The following DTNB variants were observed in gnomAD, a reference collection of about 807,000 sequenced individuals.
DTNB encodes dystrobrevin beta.
Under a neutral mutation model 90.7 loss-of-function variants are expected in DTNB, and 63 were observed. The observed-to-expected ratio is 0.69, with a 90% CI of 0.57 to 0.86. DTNB has a LOEUF of 0.86. Among genes scored for constraint, DTNB ranks in the 40% least tolerant of loss-of-function variants. The probability of loss-of-function intolerance (pLI) is 0.00; values close to 1 mark genes in which losing one functional copy is unlikely to be tolerated. For missense variants in DTNB, 744 were observed against 807.1 expected (o/e 0.92, Z 0.95); for synonymous variants, 277 against 286.7 (o/e 0.97, Z 0.34).
intron 9 of DTNB, among the ~76,000 whole-genome samples, chr2:25,527,290 A>T (rs1400166008): frequency 6.6e-6 from 1 of 152,158 alleles, no homozygotes; most frequent in African/African-American, 2.4e-5. Flanking sequence ...TTGGGAGGCC[A>T]AAAGGGGGTG....
chr2:25,502,759 G>A (rs1337097090), intron 9 of DTNB, among the ~76,000 whole-genome samples: 5 of 151,284 alleles, frequency 3.3e-5, no homozygotes, highest in Admixed American at 1.3e-4. Flanking sequence ...GGTGGCCAGC[G>A]CCTGTAGTCT....
At chr2:25,634,513 G>T (rs1197628357) in intron 3 of DTNB, among the ~76,000 whole-genome samples, 4 of 149,988 alleles carry the variant, frequency 2.7e-5, no homozygotes, top group African/African-American at 9.7e-5. Context: ...CTACTGGGAA[G>T]TGAGGAGCCC....
At chr2:25,577,724 C>T (rs1272041850) in intron 7 of DTNB, among the ~76,000 whole-genome samples, 1 of 151,840 alleles carries the variant, frequency 6.6e-6, no homozygotes, top group East Asian at 1.9e-4. Context: ...AGGGATAGGC[C>T]AGGCATGGTG....
intron 9 of DTNB, among the ~76,000 whole-genome samples, chr2:25,507,762 T>C (rs2072847549): frequency 6.6e-6 from 1 of 152,208 alleles, no homozygotes; most frequent in Non-Finnish European, 1.5e-5. Flanking sequence ...CACATCCTCT[T>C]GTCACTTAGT....
At chr2:25,416,443 G>A (rs955331196) in intron 16 of DTNB, among the ~76,000 whole-genome samples, 3 of 152,338 alleles carry the variant, frequency 2.0e-5, no homozygotes, top group South Asian at 2.1e-4. Context: ...AGGCCAATGC[G>A]GGCGGATCAA....
chr2:25,442,947 G>A (rs1295390800), intron 12 of DTNB, among the ~76,000 whole-genome samples: 1 of 152,194 alleles, frequency 6.6e-6, no homozygotes. Flanking sequence ...CGAAATGGTA[G>A]CTGTTATTTC....
At chr2:25,555,707 C>T (rs1023671967) in intron 8 of DTNB, among the ~76,000 whole-genome samples, 3 of 152,112 alleles carry the variant, frequency 2.0e-5, no homozygotes, top group Non-Finnish European at 4.4e-5. Context: ...TTATGACTAC[C>T]TATTTAATAT....
intron 9 of DTNB, among the ~76,000 whole-genome samples, chr2:25,529,785 T>C (rs1166558307): frequency 6.6e-6 from 1 of 152,216 alleles, no homozygotes; most frequent in Non-Finnish European, 1.5e-5. Flanking sequence ...TAATGAAGGA[T>C]ACTAACTGTA....
rs563996709 is a variant in DTNB at position 25,461,105 on chromosome 2, T to C, written c.1080-5611A>G. Among the ~76,000 whole-genome samples the C allele has an allele frequency of 9.8e-4, 150 of 152,332 alleles. 1 individual carries two copies. The highest frequency in any genetic ancestry group is 1.9e-3 in the Non-Finnish European group (130 of 68,014). On this transcript the variant is annotated intron_variant, in intron 10 of 20. Coordinates refer to ENST00000406818, the MANE Select transcript of DTNB (RefSeq NM_021907.5). ...TTTTAGTAGAGATGGGGTTTTGCCA[T>C]GTTGGCCAGGCTGGTCTTGTACTCC...
At chr2:25,523,847 C>T (rs1456203889) in intron 9 of DTNB, among the ~76,000 whole-genome samples, 1 of 150,852 alleles carries the variant, frequency 6.6e-6, no homozygotes, top group African/African-American at 2.4e-5. Flanking sequence ...AGGCCACTTC[C>T]AGAATTATGG....
In DTNB at chr2:25,387,155, G is replaced by T; in HGVS notation, c.1825+134C>A. On this transcript the variant is annotated intron_variant, in intron 18 of 20. Coordinates refer to ENST00000406818, the MANE Select transcript of DTNB (RefSeq NM_021907.5). The surrounding 1 kb of genome is among the most constrained non-coding windows in gnomAD (Gnocchi z 4.5). ...GGTGGAGACATCCAGTGTGTTCCTA[G>T]AAGGCAAAGTTAGGTGATGAAATGG... 1 of 773,916 alleles carries T rather than the reference G, an allele frequency of 1.3e-6. No individual in the cohort carries two copies. The highest frequency in any genetic ancestry group is 2.1e-6 in the Non-Finnish European group (1 of 482,238). The allele number at this position is 773,916 out of a possible 1,614,324, so 47.9% of individuals were successfully genotyped here.
chr2:25,526,372 T>TAAATATATATATAA (rs1287797041), intron 9 of DTNB, among the ~76,000 whole-genome samples: 3 of 62,384 alleles, frequency 4.8e-5, no homozygotes, highest in South Asian at 5.7e-4. Flanking sequence ...AATATATATA[T>TAAATATATATATAA]ATATATATAT....
rs543047655 is a variant in DTNB at position 25,556,639 on chromosome 2, A to G, written c.876+20199T>C. Reference sequence around the variant, plus strand: ...ATAAGCAGATTCTATGAAGATGATTATAACAGTGTGAAAAGTGCTTTAAAA... The same window carrying G: ...ATAAGCAGATTCTATGAAGATGATTGTAACAGTGTGAAAAGTGCTTTAAAA... On this transcript the variant is annotated intron_variant, in intron 8 of 20. Transcript: ENST00000406818. Among the ~76,000 whole-genome samples, 5 of 152,324 alleles carry G rather than the reference A, an allele frequency of 3.3e-5. No individual in the cohort carries two copies. The East Asian group carries it at 9.6e-4, about 29-fold the overall frequency.
At chr2:25,449,100 C>T (rs1004984193) in intron 12 of DTNB, among the ~76,000 whole-genome samples, 9 of 152,052 alleles carry the variant, frequency 5.9e-5, no homozygotes, top group East Asian at 1.9e-4. Flanking sequence ...AAAAACAGTA[C>T]GTACTTTTTT....
At chr2:25,422,013 C>A (rs909608959) in intron 15 of DTNB, among the ~76,000 whole-genome samples, 1 of 152,270 alleles carries the variant, frequency 6.6e-6, no homozygotes, top group Non-Finnish European at 1.5e-5. Context: ...TTTAAACTCA[C>A]AAAACTTATT....
chr2:25,539,185 C>T (rs1252374466), intron 8 of DTNB, among the ~76,000 whole-genome samples: 1 of 152,104 alleles, frequency 6.6e-6, no homozygotes, highest in Non-Finnish European at 1.5e-5. Flanking sequence ...CCATGTTTTC[C>T]ATTCATTCAC....
Position 25,432,880 on chromosome 2 carries a change from A to T in DTNB, c.1457+6T>A. 6.3e-7 allele frequency: 1 copy of T among 1,590,816 alleles called. No homozygotes were observed. Among genetic ancestry groups the T allele is most frequent in the Non-Finnish European group, 8.6e-7 (1 of 1,169,450 alleles). On this transcript the variant is annotated splice_donor_region_variant and intron_variant, in intron 14 of 20. Coordinates refer to ENST00000406818, the MANE Select transcript of DTNB (RefSeq NM_021907.5). ...ATGTGGCAAGTGGTAGAGTGTCCCT[A>T]CTCACCTCAGCAGCCGCAGCTCTGC...
At chr2:25,630,853 A>G (rs566825031) in intron 3 of DTNB, among the ~76,000 whole-genome samples, 98 of 150,832 alleles carry the variant, frequency 6.5e-4, no homozygotes, top group African/African-American at 2.1e-3. Context: ...CCAAAAAAAA[A>G]AAAAAAAAAA....
chr2:25,582,625 T>TG (rs1425176495), intron 6 of DTNB, among the ~76,000 whole-genome samples: 2 of 152,010 alleles, frequency 1.3e-5, no homozygotes, highest in Non-Finnish European at 2.9e-5. Context: ...ATGGAACTAC[T>TG]GGGGGGCGGG....
Sources: allele counts gnomAD v4.1 joint callset (sites outside exome capture counted in the v4.1 genomes callset), GRCh38; gene constraint gnomAD v4.1.1; non-coding constraint Gnocchi (gnomAD v3.1); transcripts MANE v1.5; gene names NCBI Gene and HGNC (gene_info 2026-07-23, HGNC 2026-07-21).